Variants in CPA6 observed in about 807,000 individuals in gnomAD.
CPA6 encodes the protein carboxypeptidase B.
A neutral mutation model predicts 63.3 loss-of-function variants in CPA6; 58 were observed. That is an observed-to-expected ratio of 0.92 (90% CI 0.74 to 1.14). CPA6 has a LOEUF of 1.14. CPA6 is among the 50% of genes most tolerant of loss of function. CPA6 has a pLI of 0.00. For synonymous variants in CPA6, 185 were observed against 179.0 expected (o/e 1.03, Z -0.27); for missense variants, 565 against 526.6 (o/e 1.07, Z -0.71).
At chr8:67,698,787 C>T (rs1429577940) in intron 1 of CPA6, among the ~76,000 whole-genome samples, 2 of 152,130 alleles carry the variant, frequency 1.3e-5, no homozygotes, top group South Asian at 2.1e-4. Context: ...AAGGCAATGA[C>T]ACCTCTATAC....
chr8:67,650,619 A>G (rs1815814556), intron 1 of CPA6, among the ~76,000 whole-genome samples: 2 of 152,120 alleles, frequency 1.3e-5, no homozygotes, highest in African/African-American at 4.8e-5. Context: ...GTTCATGTCT[A>G]TTGAGGCTCA....
chr8:67,672,514 C>T (rs1816371826), intron 1 of CPA6, among the ~76,000 whole-genome samples: 1 of 152,184 alleles, frequency 6.6e-6, no homozygotes. Context: ...GCCAATCCAT[C>T]ATCGAGTCCT....
chr8:67,449,825 T>G (rs540573538), intron 8 of CPA6, among the ~76,000 whole-genome samples: 29 of 150,926 alleles, frequency 1.9e-4, no homozygotes, highest in Admixed American at 4.0e-4. Flanking sequence ...TTTTTTTTTT[T>G]TTTGGAGACA....
intron 9 of CPA6, among the ~76,000 whole-genome samples, chr8:67,429,069 T>G (rs1316657190): frequency 6.6e-6 from 1 of 152,188 alleles, no homozygotes; most frequent in Admixed American, 6.5e-5. Context: ...TAATGCTATG[T>G]GCTTATCCTC....
At chr8:67,533,769 A>AT (rs1436724790) in intron 2 of CPA6, among the ~76,000 whole-genome samples, 1 of 152,048 alleles carries the variant, frequency 6.6e-6, no homozygotes, top group Non-Finnish European at 1.5e-5. Context: ...TCTTTCTGGG[A>AT]TTTTTCCCAG....
At chr8:67,475,940 CTTTCTCTG>C (rs1324814881) in intron 8 of CPA6, among the ~76,000 whole-genome samples, 97 of 123,178 alleles carry the variant, frequency 7.9e-4, no homozygotes, top group African/African-American at 2.2e-3. Context: ...CTTTCTCTTT[CTTTCTCTG>C]TCTTTCTTTC....
intron 2 of CPA6, among the ~76,000 whole-genome samples, chr8:67,560,679 T>C (rs1247626801): frequency 6.6e-6 from 1 of 152,122 alleles, no homozygotes; most frequent in East Asian, 1.9e-4. Flanking sequence ...TTTTCAACTG[T>C]TCCTGCCTTT....
At chr8:67,675,164 G>T in intron 1 of CPA6, among the ~76,000 whole-genome samples, 1 of 152,136 alleles carries the variant, frequency 6.6e-6, no homozygotes, top group African/African-American at 2.4e-5. Flanking sequence ...AACCTGCACA[G>T]GTACTCCCTG....
At chr8:67,545,547 A>C (rs1587543557) in intron 2 of CPA6, among the ~76,000 whole-genome samples, 3 of 139,336 alleles carry the variant, frequency 2.2e-5, no homozygotes, top group African/African-American at 5.2e-5. Flanking sequence ...GTTTCTTTCC[A>C]CAGTTGCTAC....
chr8:67,723,567 A>G (rs1322623363), intron 1 of CPA6, among the ~76,000 whole-genome samples: 1 of 152,186 alleles, frequency 6.6e-6, no homozygotes, highest in African/African-American at 2.4e-5. Context: ...TTGCTTCCTC[A>G]TCCTCACCAG....
intron 1 of CPA6, among the ~76,000 whole-genome samples, chr8:67,697,987 T>C (rs1004685739): frequency 4.6e-5 from 7 of 152,206 alleles, no homozygotes; most frequent in Admixed American, 2.6e-4. Flanking sequence ...GAATCCTAAA[T>C]GACTATATCA....
chr8:67,444,671 T>A (rs1340365564), intron 8 of CPA6, among the ~76,000 whole-genome samples: 1 of 149,242 alleles, frequency 6.7e-6, no homozygotes, highest in Non-Finnish European at 1.5e-5. Flanking sequence ...CAATCCCAGC[T>A]ACTCGGGAGG....
chr8:67,612,312 T>C (rs1016010679), intron 2 of CPA6, among the ~76,000 whole-genome samples: 1 of 152,196 alleles, frequency 6.6e-6, no homozygotes, highest in African/African-American at 2.4e-5. Flanking sequence ...GCTATGTATC[T>C]ATATTATCAA....
At chr8:67,583,418 T>C (rs888355227) in intron 2 of CPA6, among the ~76,000 whole-genome samples, 1 of 152,020 alleles carries the variant, frequency 6.6e-6, no homozygotes, top group African/African-American at 2.4e-5. Context: ...TCGGTATAGA[T>C]TTTTCTAGTC....
chr8:67,713,676 A>T (rs1481262299), intron 1 of CPA6, among the ~76,000 whole-genome samples: 3 of 152,206 alleles, frequency 2.0e-5, no homozygotes, highest in Non-Finnish European at 4.4e-5. Context: ...TGAGTCACTC[A>T]GATTATAATT....
intron 2 of CPA6, among the ~76,000 whole-genome samples, chr8:67,618,218 G>A (rs1387274406): frequency 2.6e-5 from 4 of 152,288 alleles, no homozygotes; most frequent in Non-Finnish European, 2.9e-5. Context: ...ACAATCACAC[G>A]ATCAGATTCT....
At chr8:67,474,907 A>G (rs1321831566) in intron 8 of CPA6, among the ~76,000 whole-genome samples, 2 of 152,074 alleles carry the variant, frequency 1.3e-5, no homozygotes, top group African/African-American at 4.8e-5. Context: ...ATTGAACCGA[A>G]GATGTTGAGG....
intron 1 of CPA6, among the ~76,000 whole-genome samples, chr8:67,658,237 T>G (rs1816033228): frequency 6.6e-6 from 1 of 152,230 alleles, no homozygotes; most frequent in Non-Finnish European, 1.5e-5. Flanking sequence ...GCTTTGTGTA[T>G]CATAAGTGCT....
intron 8 of CPA6, among the ~76,000 whole-genome samples, chr8:67,461,820 G>A (rs1386643006): frequency 2.0e-5 from 3 of 152,154 alleles, no homozygotes; most frequent in Non-Finnish European, 2.9e-5. Flanking sequence ...GCGGGGGGCT[G>A]ACCCCCCCAC....
Sources: gnomAD v4.1 joint callset for allele counts (sites outside exome capture counted in the v4.1 genomes callset) on GRCh38, gnomAD v4.1.1 for gene constraint, MANE v1.5 for transcripts, NCBI Gene and HGNC (gene_info 2026-07-23, HGNC 2026-07-21) for gene names.